Variants in CLK4 observed in about 807,000 individuals in gnomAD.
CLK4 encodes the protein CDC like kinase 4, also known as dual specificity protein kinase CLK4.
In CLK4, 37 loss-of-function variants were observed where a neutral mutation model predicts 64.4. That is an observed-to-expected ratio of 0.57 (90% CI 0.44 to 0.76). The LOEUF (loss-of-function observed/expected upper bound fraction) is 0.76. Ranked by LOEUF, CLK4 falls within the 30% of genes least tolerant of loss-of-function variation. The pLI is 0.00. For missense variants in CLK4, 457 were observed against 605.1 expected (o/e 0.76, Z 2.57); for synonymous variants, 175 against 191.6 (o/e 0.91, Z 0.72).
At chr5:178,623,596 T>C (rs924558075) in intron 1 of CLK4, among the ~76,000 whole-genome samples, 180 bp from the exon 2 acceptor site, 9 of 152,026 alleles carry the variant, frequency 5.9e-5, no homozygotes, top group East Asian at 1.9e-4. Flanking sequence ...CTAAGAGGCA[T>C]AGAGATCTAG....
chr5:178,616,586 A>T (rs898995634), intron 5 of CLK4, among the ~76,000 whole-genome samples: 1 of 152,128 alleles, frequency 6.6e-6, no homozygotes, highest in African/African-American at 2.4e-5. Flanking sequence ...ACTTGAGGTC[A>T]GGAGTTCGAG....
At chr5:178,621,051 G>C (rs1374578628) in intron 2 of CLK4, among the ~76,000 whole-genome samples, 3 of 152,134 alleles carry the variant, frequency 2.0e-5, no homozygotes, top group Middle Eastern at 3.2e-3. Context: ...CCCAGCAAGA[G>C]CAATTTTCAC....
At position 178,616,894 on chromosome 5, in the gene CLK4, A is replaced by G. The variant is rs1251105009; in HGVS notation, c.530T>C (p.Ile177Thr). The change falls in exon 5 of 13, where the codon ATT becomes ACT. Residue 177 changes from isoleucine to threonine, a missense_variant. Transcript: ENST00000316308. ...AAAACAAACTTACATGCCATGATCA[A>G]TGCACTCTACAACTTTGCCAAAGGC... Reference protein sequence around the residue: ...EGAFGKVVECIDHGMDGMHVA... With the variant: ...EGAFGKVVECTDHGMDGMHVA... The G allele has an allele frequency of 2.5e-6, 4 of 1,613,072 alleles. No individual in the cohort carries two copies. The highest frequency in any genetic ancestry group is 1.1e-5 in the South Asian group (1 of 91,056).
chr5:178,624,151 G>C (rs1028480718), intron 1 of CLK4, among the ~76,000 whole-genome samples: 1 of 152,286 alleles, frequency 6.6e-6, no homozygotes, highest in South Asian at 2.1e-4. Flanking sequence ...TGTGTGGATA[G>C]AACACAATAT....
intron 1 of CLK4, 52 bp from the exon 2 acceptor site, chr5:178,623,468 T>C: frequency 1.4e-6 from 2 of 1,389,260 alleles, no homozygotes; most frequent in Non-Finnish European, 1.9e-6. Flanking sequence ...GTGTGATAGG[T>C]AAATTATTAT....
At position 178,623,424 on chromosome 5, in the gene CLK4, T is replaced by C. The variant is rs767357266; in HGVS notation, c.1-8A>G. 33 of 1,603,208 alleles carry C rather than the reference T, an allele frequency of 2.1e-5. No homozygotes were observed. Among genetic ancestry groups the C allele is most frequent in the African/African-American group, 6.7e-5 (5 of 74,348 alleles). On this transcript the variant is annotated splice_region_variant and splice_polypyrimidine_tract_variant and intron_variant, in intron 1 of 12. Transcript: ENST00000316308. ...TCTTTTGGAATGCCGCATCTGTTGA[T>C]AGAAATGAAAAGGGAATTGTGGAGG...
chr5:178,623,521 C>CTT (rs1295960804), intron 1 of CLK4, 105 bp from the exon 2 acceptor site: 12 of 959,510 alleles, frequency 1.3e-5, no homozygotes, highest in Non-Finnish European at 1.7e-5. Flanking sequence ...CACACAGGGT[C>CTT]TTACAGGCTC....
intron 2 of CLK4, 45 bp downstream of exon 2, chr5:178,623,194 CAAATGACAAATCATTTA>C: frequency 7.0e-7 from 1 of 1,424,258 alleles, no homozygotes; most frequent in Non-Finnish European, 9.8e-7. Context: ...GCTATATAAG[CAAATGACAAATCATTTA>C]AAACTATTAG....
intron 2 of CLK4, chr5:178,620,668 C>A: frequency 2.3e-6 from 1 of 443,558 alleles, no homozygotes; most frequent in Non-Finnish European, 4.5e-6. Flanking sequence ...TATATCCACA[C>A]AGGTCCTGTG....
chr5:178,616,420 T>A (rs950532118), intron 5 of CLK4, among the ~76,000 whole-genome samples: 1 of 152,184 alleles, frequency 6.6e-6, no homozygotes, highest in Non-Finnish European at 1.5e-5. Flanking sequence ...AAGATCCACA[T>A]TCACGGTAAA....
intron 9 of CLK4, 21 bp downstream of exon 9, chr5:178,612,395 G>T: frequency 6.4e-7 from 1 of 1,561,574 alleles, no homozygotes; most frequent in Non-Finnish European, 8.7e-7. Context: ...TATAATATTA[G>T]AAAGCCTGGT....
chr5:178,622,723 T>C (rs1764725532), intron 2 of CLK4: 1 of 152,356 alleles, frequency 6.6e-6, no homozygotes, highest in Non-Finnish European at 1.5e-5. Flanking sequence ...AGCCAGCTTC[T>C]AAAAATCCCA....
Position 178,617,577 on chromosome 5 carries a change from A to C in CLK4, c.385-143T>G. 1.1e-6 allele frequency: 1 copy of C among 910,872 alleles called. No individual in the cohort carries two copies. Among genetic ancestry groups the C allele is most frequent in the Non-Finnish European group, 1.5e-6 (1 of 658,186 alleles). 56.4% of individuals were successfully genotyped at this position (910,872 alleles called of 1,614,324 possible). A position where few individuals can be genotyped will look rare whatever the true frequency, so the allele number is the denominator to read the frequency against. On this transcript the variant is annotated intron_variant, in intron 3 of 12. Coordinates refer to ENST00000316308, the MANE Select transcript of CLK4 (RefSeq NM_020666.3). The surrounding 1 kb of genome is among the most constrained non-coding windows in gnomAD (Gnocchi z 5.2). ...CAGGCCACGAACAGTTGGCAGGAGC[A>C]ATTTCAAATTCAGTCCCCAGAAATT...
intron 8 of CLK4, 53 bp from the exon 9 acceptor site, chr5:178,612,598 G>A (rs1445490792): frequency 1.2e-5 from 19 of 1,570,336 alleles, no homozygotes; most frequent in South Asian, 2.3e-5. Flanking sequence ...ATTTTATAGC[G>A]CTACTCAAAA....
At chr5:178,620,183 G>C in intron 2 of CLK4, 1 of 283,180 alleles carries the variant, frequency 3.5e-6, no homozygotes, top group Middle Eastern at 1.3e-3. Flanking sequence ...AAACAACTCA[G>C]GATATTTGGG....
Position 178,618,926 on chromosome 5 carries a change from T to C in CLK4, c.162-148A>G, listed in dbSNP as rs144010030. 5.9e-4 allele frequency: 368 copies of C among 627,242 alleles called. 3 individuals are homozygous for C. The East Asian group carries it at 0.01, about 17-fold the overall frequency. The allele number at this position is 627,242 out of a possible 1,614,324, so 38.9% of individuals were successfully genotyped here. A position where few individuals can be genotyped will look rare whatever the true frequency, so the allele number is the denominator to read the frequency against. ...TGAATTAGCATTTATATTTATCTCA[T>C]AAAGCTTAAGAAATAATTTTACTTT... On this transcript the variant is annotated intron_variant, in intron 2 of 12. Transcript: ENST00000316308.
chr5:178,621,315 T>C (rs1239439335), intron 2 of CLK4, among the ~76,000 whole-genome samples: 1 of 152,186 alleles, frequency 6.6e-6, no homozygotes, highest in African/African-American at 2.4e-5. Flanking sequence ...TACTTTATGT[T>C]ACAGGCTTCT....
In CLK4 at chr5:178,618,770, A is replaced by G. The variant is rs1764664618; in HGVS notation, c.170T>C (p.Leu57Ser). Reference sequence around the variant, plus strand: ...TCGCTCATTCAAGGACCTTGCTTCTAAATAATGACTGCAAACACATTAAAA... The same window carrying G: ...TCGCTCATTCAAGGACCTTGCTTCTGAATAATGACTGCAAACACATTAAAA... ...HQFKESDCHY[L>S]EARSLNERDY... is the part of the protein sequence containing the mutation. The change falls in exon 3 of 13, where the codon TTA becomes TCA. Residue 57 changes from leucine to serine, a missense_variant. Coordinates refer to ENST00000316308, the MANE Select transcript of CLK4 (RefSeq NM_020666.3). 1.2e-6 allele frequency: 2 copies of G among 1,611,952 alleles called. No individual in the cohort carries two copies. Among genetic ancestry groups the G allele is most frequent in the East Asian group, 4.5e-5 (2 of 44,840 alleles).
chr5:178,614,381 G>A (rs1041700071), intron 5 of CLK4, among the ~76,000 whole-genome samples: 15 of 152,188 alleles, frequency 9.9e-5, no homozygotes, highest in Non-Finnish European at 1.9e-4. Flanking sequence ...AGGTAAAGGA[G>A]ACCCCAACTC....
Sources: allele counts gnomAD v4.1 joint callset (sites outside exome capture counted in the v4.1 genomes callset), GRCh38; gene constraint gnomAD v4.1.1; non-coding constraint Gnocchi (gnomAD v3.1); transcripts MANE v1.5; gene names NCBI Gene and HGNC (gene_info 2026-07-23, HGNC 2026-07-21).